The following MSR1 variants were observed in gnomAD, a reference collection of about 807,000 sequenced individuals.
MSR1 encodes the protein macrophage scavenger receptor types I and II.
MSR1 carries 53 observed loss-of-function variants against 47.2 expected under a neutral mutation model. The ratio of observed to expected loss-of-function variants is 1.12; its 90% confidence interval spans 0.90 to 1.41. The LOEUF is 1.41. Ranked by LOEUF, MSR1 falls within the 40% of genes most tolerant of loss-of-function variation. The pLI, the probability that MSR1 is intolerant of heterozygous loss-of-function variation, is 0.00. For missense variants in MSR1, 786 were observed against 546.9 expected (o/e 1.44, Z -4.36); for synonymous variants, 239 against 185.6 (o/e 1.29, Z -2.34).
At chr8:16,141,132 T>C in intron 8 of MSR1, 3 of 1,474,872 alleles carry the variant, frequency 2.0e-6, no homozygotes, top group Non-Finnish European at 2.8e-6. Context: ...TATGAAAACA[T>C]TCAATATAAA....
At chr8:16,163,305 AT>A (rs36072877) in intron 5 of MSR1, among the ~76,000 whole-genome samples, 1 of 151,862 alleles carries the variant, frequency 6.6e-6, no homozygotes, top group African/African-American at 2.4e-5. Flanking sequence ...CAGATTGTAT[AT>A]TTTTTTAAAA....
chr8:16,122,517 G>A (rs963089890), intron 8 of MSR1, among the ~76,000 whole-genome samples: 11 of 152,072 alleles, frequency 7.2e-5, no homozygotes, highest in African/African-American at 2.7e-4. Flanking sequence ...CATTCTCACT[G>A]CCCATTGTTT....
intron 9 of MSR1, among the ~76,000 whole-genome samples, chr8:16,117,117 A>C (rs2117054799): frequency 6.6e-6 from 1 of 152,306 alleles, no homozygotes. Flanking sequence ...GCTGCACAGC[A>C]GGAGGTGAGC....
At chr8:16,147,702 G>C (rs1564819) in intron 7 of MSR1, among the ~76,000 whole-genome samples, 48,193 of 151,862 alleles carry the variant, frequency 0.32, 9,136 homozygotes, top group Non-Finnish European at 0.43. Flanking sequence ...CCTTCTTTTA[G>C]TCTGCAGTAC....
At chr8:16,146,802 C>A (rs1800711380) in intron 7 of MSR1, among the ~76,000 whole-genome samples, 1 of 152,062 alleles carries the variant, frequency 6.6e-6, no homozygotes, top group Non-Finnish European at 1.5e-5. Context: ...TTATTAAAAT[C>A]AGTGGTTCTG....
chr8:16,174,015 GA>G (rs1801566889), intron 3 of MSR1, among the ~76,000 whole-genome samples: 1 of 152,154 alleles, frequency 6.6e-6, no homozygotes, highest in African/African-American at 2.4e-5. Context: ...TGGGAGACAA[GA>G]GACCAGAGTA....
chr8:16,182,911 C>T (rs550009743), intron 1 of MSR1, among the ~76,000 whole-genome samples: 20 of 151,910 alleles, frequency 1.3e-4, no homozygotes, highest in African/African-American at 3.4e-4. Flanking sequence ...TAAATACTTA[C>T]GTAACTGTAT....
chr8:16,151,988 G>A (rs982179546), intron 6 of MSR1, among the ~76,000 whole-genome samples: 1 of 152,144 alleles, frequency 6.6e-6, no homozygotes, highest in African/African-American at 2.4e-5. Context: ...TCAGGCTGAT[G>A]TGATAGTTAA....
intron 6 of MSR1, among the ~76,000 whole-genome samples, chr8:16,154,194 T>C (rs1436787730): frequency 6.6e-6 from 1 of 151,920 alleles, no homozygotes; most frequent in African/African-American, 2.4e-5. Context: ...TTTTATATAA[T>C]CAAAAGACAG....
At chr8:16,173,619 A>G (rs6530944) in intron 3 of MSR1, among the ~76,000 whole-genome samples, 149,867 of 152,276 alleles carry the variant, frequency 0.98, 73,796 homozygotes, top group East Asian at 1. Context: ...TGTTACCTCT[A>G]GAAAATATTT....
chr8:16,170,554 A>G (rs1801454825), intron 3 of MSR1, among the ~76,000 whole-genome samples: 1 of 152,190 alleles, frequency 6.6e-6, no homozygotes, highest in Non-Finnish European at 1.5e-5. Flanking sequence ...ATTATGGAAC[A>G]ATAAAAAGAA....
intron 6 of MSR1, 97 bp from the exon 7 acceptor site, chr8:16,150,408 A>G (rs1800823761): frequency 1.9e-6 from 1 of 528,052 alleles, no homozygotes; most frequent in Non-Finnish European, 3.2e-6. Context: ...TGAATATGAA[A>G]TTAGAGAATC....
At chr8:16,129,434 C>G (rs1800203716) in intron 8 of MSR1, among the ~76,000 whole-genome samples, 1 of 152,050 alleles carries the variant, frequency 6.6e-6, no homozygotes, top group Non-Finnish European at 1.5e-5. Flanking sequence ...CTGTGTCGTT[C>G]TAGGAAATCT....
chr8:16,130,851 T>C (rs891460813), intron 8 of MSR1, among the ~76,000 whole-genome samples: 1 of 152,096 alleles, frequency 6.6e-6, no homozygotes, highest in Non-Finnish European at 1.5e-5. Flanking sequence ...ACGGTGTATA[T>C]GTACCACATT....
intron 8 of MSR1, among the ~76,000 whole-genome samples, chr8:16,142,960 T>C (rs373951298): frequency 9.8e-5 from 15 of 152,298 alleles, no homozygotes; most frequent in African/African-American, 2.2e-4. Flanking sequence ...GCATGGCAAA[T>C]AGAAGACATC....
At chr8:16,139,392 C>A in intron 8 of MSR1, 1 of 916,910 alleles carries the variant, frequency 1.1e-6, no homozygotes, top group Admixed American at 6.2e-5. Context: ...CTCACAACAA[C>A]CCTGTGAGGT....
At chr8:16,132,606 G>GC (rs991976882) in intron 8 of MSR1, among the ~76,000 whole-genome samples, 1 of 152,010 alleles carries the variant, frequency 6.6e-6, no homozygotes, top group Non-Finnish European at 1.5e-5. Context: ...TCCTGCCTCA[G>GC]CCCCCCAAGT....
At chr8:16,120,810 G>A in intron 8 of MSR1, 1 of 637,404 alleles carries the variant, frequency 1.6e-6, no homozygotes, top group Non-Finnish European at 2.6e-6. Context: ...AGCTTTAACA[G>A]CTGTTAAGAG....
At chr8:16,191,905 A>G (rs1244420771) in intron 1 of MSR1, among the ~76,000 whole-genome samples, 1 of 152,184 alleles carries the variant, frequency 6.6e-6, no homozygotes, top group African/African-American at 2.4e-5. Context: ...TTTTTCACAT[A>G]GAAGTAATTT....
Sources: gnomAD v4.1 joint callset for allele counts (sites outside exome capture counted in the v4.1 genomes callset) on GRCh38, gnomAD v4.1.1 for gene constraint, MANE v1.5 for transcripts, NCBI Gene and HGNC (gene_info 2026-07-23, HGNC 2026-07-21) for gene names.